CSMD1: variants seen among roughly 807,000 people sequenced by gnomAD.
The protein encoded by CSMD1 is CUB and sushi domain-containing protein 1.
A neutral mutation model predicts 417.5 loss-of-function variants in CSMD1; 213 were observed. The ratio of observed to expected loss-of-function variants is 0.51; its 90% CI spans 0.46 to 0.57. The LOEUF (loss-of-function observed/expected upper bound fraction) is 0.57, where lower values mean the gene tolerates loss of function less well. CSMD1 is among the 20% of genes least tolerant of loss of function. The pLI, the probability that CSMD1 is intolerant of heterozygous loss-of-function variation, is 0.00. For missense variants in CSMD1, 6,923 were observed against 4,529.7 expected (o/e 1.53, Z -15.17); for synonymous variants, 2,862 against 1,736.8 (o/e 1.65, Z -16.11).
chr8:4,432,258 A>G (rs1797914501), intron 2 of CSMD1, among the ~76,000 whole-genome samples: 1 of 152,196 alleles, frequency 6.6e-6, no homozygotes. Context: ...TCACACAGGA[A>G]CTTAACTGTT....
At chr8:3,322,078 A>T (rs760169580) in intron 23 of CSMD1, among the ~76,000 whole-genome samples, 7 of 152,318 alleles carry the variant, frequency 4.6e-5, no homozygotes, top group Non-Finnish European at 1.0e-4. Context: ...TATTTTACAT[A>T]ATATATGAAA....
chr8:3,569,663 C>T (rs566101065), intron 10 of CSMD1, among the ~76,000 whole-genome samples: 3 of 152,282 alleles, frequency 2.0e-5, no homozygotes, highest in South Asian at 2.1e-4. Context: ...ATGTTCAATA[C>T]GTAATACACT....
chr8:3,071,218 C>T (rs556177279), intron 49 of CSMD1, among the ~76,000 whole-genome samples: 17 of 152,256 alleles, frequency 1.1e-4, no homozygotes, highest in Admixed American at 3.3e-4. Flanking sequence ...GAGATTTGGC[C>T]AGGGACAAAT....
chr8:4,462,664 G>A (rs546104116), intron 2 of CSMD1, among the ~76,000 whole-genome samples: 2 of 152,102 alleles, frequency 1.3e-5, no homozygotes, highest in Admixed American at 6.6e-5. Context: ...TAAAATTCAC[G>A]TTCCAGAGAT....
At chr8:4,340,914 A>G (rs1365109061) in intron 3 of CSMD1, among the ~76,000 whole-genome samples, 2 of 152,050 alleles carry the variant, frequency 1.3e-5, no homozygotes, top group African/African-American at 4.8e-5. Flanking sequence ...TGGGAACTCA[A>G]GCGGAGAGAT....
At chr8:3,168,654 A>AAT (rs538243299) in intron 37 of CSMD1, among the ~76,000 whole-genome samples, 9 of 105,250 alleles carry the variant, frequency 8.6e-5, no homozygotes, top group Admixed American at 2.0e-4. Flanking sequence ...CACACACACA[A>AAT]ATATATATAT....
chr8:3,594,766 T>C (rs1801014071), intron 8 of CSMD1, among the ~76,000 whole-genome samples: 1 of 152,152 alleles, frequency 6.6e-6, no homozygotes, highest in Admixed American at 6.5e-5. Context: ...GTGGGAGGCT[T>C]GGGAGAAGAG....
intron 8 of CSMD1, among the ~76,000 whole-genome samples, chr8:3,610,435 C>T (rs962222943): frequency 1.3e-5 from 2 of 148,770 alleles, no homozygotes; most frequent in Non-Finnish European, 3.0e-5. Flanking sequence ...CACAGGAGAT[C>T]GAAGTGGGAC....
At chr8:4,447,786 G>A (rs1585091815) in intron 2 of CSMD1, among the ~76,000 whole-genome samples, 1 of 152,114 alleles carries the variant, frequency 6.6e-6, no homozygotes, top group Non-Finnish European at 1.5e-5. Flanking sequence ...TATAAAAGGA[G>A]AAGAAAATAA....
At chr8:3,441,063 A>T (rs574949622) in intron 12 of CSMD1, among the ~76,000 whole-genome samples, 1 of 152,308 alleles carries the variant, frequency 6.6e-6, no homozygotes, top group South Asian at 2.1e-4. Flanking sequence ...TGAAACACAT[A>T]GAGGAGAAAA....
chr8:3,458,268 C>T (rs1816283717), intron 12 of CSMD1, among the ~76,000 whole-genome samples: 1 of 152,114 alleles, frequency 6.6e-6, no homozygotes, highest in South Asian at 2.1e-4. Context: ...ATTTAATGTT[C>T]TCCGGCACCA....
chr8:3,347,502 A>G (rs1322417653), intron 22 of CSMD1, among the ~76,000 whole-genome samples: 1 of 152,188 alleles, frequency 6.6e-6, no homozygotes, highest in Admixed American at 6.5e-5. Context: ...TACCTCCATT[A>G]TCACTTCAGA....
chr8:3,944,381 G>C (rs1412771377), intron 5 of CSMD1, among the ~76,000 whole-genome samples: 1 of 152,026 alleles, frequency 6.6e-6, no homozygotes, highest in African/African-American at 2.4e-5. Context: ...TCCTCTCTAC[G>C]ACTGAATATT....
chr8:4,029,315 T>C (rs1055113622), intron 4 of CSMD1, among the ~76,000 whole-genome samples: 7 of 152,158 alleles, frequency 4.6e-5, no homozygotes, highest in South Asian at 2.1e-4. Context: ...CTGGTGATAA[T>C]GCATACCCAA....
At chr8:4,166,046 C>G (rs1158893883) in intron 3 of CSMD1, among the ~76,000 whole-genome samples, 1 of 152,178 alleles carries the variant, frequency 6.6e-6, no homozygotes, top group Non-Finnish European at 1.5e-5. Context: ...TTTACATGCT[C>G]ACACTTTAAT....
At chr8:4,446,542 G>A (rs758218396) in intron 2 of CSMD1, among the ~76,000 whole-genome samples, 3 of 152,028 alleles carry the variant, frequency 2.0e-5, no homozygotes, top group South Asian at 2.1e-4. Context: ...ATGAGACCCC[G>A]GTTCTGCTTT....
chr8:3,389,652 AGG>A (rs1392344009), intron 17 of CSMD1, among the ~76,000 whole-genome samples: 8 of 43,840 alleles, frequency 1.8e-4, no homozygotes, highest in Non-Finnish European at 2.7e-4. Flanking sequence ...TTAATAAGTG[AGG>A]ATTATATATT....
intron 2 of CSMD1, among the ~76,000 whole-genome samples, chr8:4,451,577 G>A (rs1451960602): frequency 6.6e-6 from 1 of 152,086 alleles, no homozygotes; most frequent in Non-Finnish European, 1.5e-5. Flanking sequence ...TGAAGACAAA[G>A]AAAGCCTTAA....
chr8:4,668,063 G>A (rs1465852352), intron 1 of CSMD1, among the ~76,000 whole-genome samples: 4 of 152,088 alleles, frequency 2.6e-5, no homozygotes, highest in Non-Finnish European at 4.4e-5. Context: ...ACATTAACAC[G>A]TATTAATTTG....
Sources: gnomAD v4.1 joint callset for allele counts (sites outside exome capture counted in the v4.1 genomes callset) on GRCh38, gnomAD v4.1.1 for gene constraint, MANE v1.5 for transcripts, NCBI Gene and HGNC (gene_info 2026-07-23, HGNC 2026-07-21) for gene names.